Variants in METTL15 observed in about 807,000 individuals in gnomAD.
The protein encoded by METTL15 is methyltransferase 15, mitochondrial 12S rRNA N4-cytidine, also known as 12S rRNA N(4)-cytidine methyltransferase METTL15.
A neutral mutation model predicts 38.3 loss-of-function variants in METTL15; 34 were observed. The observed-to-expected ratio is 0.89, with a 90% CI of 0.68 to 1.18. The LOEUF is 1.18. Ranked by LOEUF, METTL15 falls within the 50% of genes most tolerant of loss-of-function variation. The pLI, the probability that METTL15 is intolerant of heterozygous loss-of-function variation, is 0.00. For synonymous variants in METTL15, 162 were observed against 170.9 expected (o/e 0.95, Z 0.41); for missense variants, 438 against 498.4 (o/e 0.88, Z 1.15).
intron 6 of METTL15, among the ~76,000 whole-genome samples, chr11:28,501,992 T>C (rs539300967): frequency 6.6e-6 from 1 of 151,554 alleles, no homozygotes; most frequent in East Asian, 2.0e-4. Flanking sequence ...TCCCAGCTAC[T>C]CGGGAGGCTG....
At chr11:28,161,673 G>C (rs1850470075) in intron 3 of METTL15, among the ~76,000 whole-genome samples, 1 of 152,032 alleles carries the variant, frequency 6.6e-6, no homozygotes, top group Non-Finnish European at 1.5e-5. Flanking sequence ...TTGTCGTAAA[G>C]GGTGATATAA....
At chr11:28,237,422 G>A (rs563465324) in intron 4 of METTL15, among the ~76,000 whole-genome samples, 16 of 151,934 alleles carry the variant, frequency 1.1e-4, no homozygotes, top group Middle Eastern at 3.4e-3. Flanking sequence ...CATTCTTCAC[G>A]TAGTTCTCGA....
intron 5 of METTL15, among the ~76,000 whole-genome samples, chr11:28,405,082 C>T (rs1042963107): frequency 5.3e-5 from 8 of 152,052 alleles, no homozygotes; most frequent in South Asian, 2.1e-4. Context: ...ACAGCTGCAG[C>T]GTGCCAACAA....
At chr11:28,235,444 A>G (rs1448899681) in intron 4 of METTL15, among the ~76,000 whole-genome samples, 2 of 151,734 alleles carry the variant, frequency 1.3e-5, no homozygotes, top group Non-Finnish European at 2.9e-5. Context: ...ATGAGCATGG[A>G]ATGCTCTTCC....
intron 4 of METTL15, among the ~76,000 whole-genome samples, chr11:28,282,545 G>C (rs929232870): frequency 1.3e-5 from 2 of 152,082 alleles, no homozygotes; most frequent in Non-Finnish European, 2.9e-5. Context: ...TTTCCATCAA[G>C]AGGTGAAGTC....
At chr11:28,521,001 A>G (rs909622064) in intron 6 of METTL15, among the ~76,000 whole-genome samples, 4 of 152,122 alleles carry the variant, frequency 2.6e-5, no homozygotes, top group African/African-American at 7.2e-5. Flanking sequence ...CTGGTTTACA[A>G]AACTATCAAA....
At chr11:28,476,609 C>G (rs1851348694) in intron 6 of METTL15, among the ~76,000 whole-genome samples, 1 of 152,148 alleles carries the variant, frequency 6.6e-6, no homozygotes, top group Non-Finnish European at 1.5e-5. Context: ...AATATGTCCT[C>G]GTTCTTTCCT....
At chr11:28,368,319 A>G (rs12788184) in intron 5 of METTL15, among the ~76,000 whole-genome samples, 71,737 of 151,700 alleles carry the variant, frequency 0.47, 17,339 homozygotes, top group East Asian at 0.74. Flanking sequence ...AAAACAAACA[A>G]CCCCATCAAA....
chr11:28,222,375 G>T (rs1313885119), intron 4 of METTL15, among the ~76,000 whole-genome samples: 1 of 152,200 alleles, frequency 6.6e-6, no homozygotes, highest in African/African-American at 2.4e-5. Flanking sequence ...TAATCTCCTG[G>T]TGTGCTGTTT....
At chr11:28,413,755 A>G (rs1013310585) in intron 5 of METTL15, among the ~76,000 whole-genome samples, 1 of 152,230 alleles carries the variant, frequency 6.6e-6, no homozygotes, top group Non-Finnish European at 1.5e-5. Context: ...AAAATAGGCT[A>G]GTGACTATCA....
At chr11:28,507,787 C>T (rs778771658) in intron 6 of METTL15, among the ~76,000 whole-genome samples, 1 of 152,116 alleles carries the variant, frequency 6.6e-6, no homozygotes, top group Non-Finnish European at 1.5e-5. Context: ...CTTCTTGTCC[C>T]GCAAACTGCT....
chr11:28,209,702 G>A (rs1200614553), intron 3 of METTL15, among the ~76,000 whole-genome samples: 4 of 152,004 alleles, frequency 2.6e-5, no homozygotes, highest in Admixed American at 6.6e-5. Flanking sequence ...CTTGATCAGC[G>A]GATGGGACTT....
chr11:28,271,287 G>A (rs1340005980), intron 4 of METTL15, among the ~76,000 whole-genome samples: 4 of 152,040 alleles, frequency 2.6e-5, no homozygotes, highest in Admixed American at 6.6e-5. Flanking sequence ...AAATCTGAAT[G>A]AATTCATTTA....
At chr11:28,163,555 G>C (rs992283484) in intron 3 of METTL15, 82 of 368,386 alleles carry the variant, frequency 2.2e-4, no homozygotes, top group African/African-American at 9.6e-4. Flanking sequence ...CTCTCTCTGT[G>C]TGTGTGTGTG....
At chr11:28,137,220 A>G (rs1849544352) in intron 3 of METTL15, among the ~76,000 whole-genome samples, 1 of 152,196 alleles carries the variant, frequency 6.6e-6, no homozygotes, top group African/African-American at 2.4e-5. Flanking sequence ...TTTGAAGTTA[A>G]TCAATATGTT....
intron 6 of METTL15, among the ~76,000 whole-genome samples, chr11:28,426,593 T>G (rs10835330): frequency 3.7e-3 from 206 of 56,032 alleles, no homozygotes; most frequent in Admixed American, 4.7e-3. Flanking sequence ...TGTTTTTTTT[T>G]TTTTTTTTTT....
At chr11:28,197,733 C>T (rs1272105466) in intron 3 of METTL15, among the ~76,000 whole-genome samples, 1 of 152,012 alleles carries the variant, frequency 6.6e-6, no homozygotes, top group Non-Finnish European at 1.5e-5. Flanking sequence ...CACATGCACA[C>T]ATAGACACTC....
At chr11:28,185,283 C>T (rs1047848102) in intron 3 of METTL15, among the ~76,000 whole-genome samples, 2 of 151,342 alleles carry the variant, frequency 1.3e-5, no homozygotes, top group African/African-American at 2.4e-5. Context: ...AGAAAGGCAG[C>T]TAGAGTACAG....
At chr11:28,150,599 C>T (rs1051848554) in intron 3 of METTL15, among the ~76,000 whole-genome samples, 3 of 151,410 alleles carry the variant, frequency 2.0e-5, no homozygotes, top group South Asian at 2.1e-4. Flanking sequence ...AATGAAAAAT[C>T]CCTCTCCTTT....
Sources: gnomAD v4.1 joint callset for allele counts (sites outside exome capture counted in the v4.1 genomes callset) on GRCh38, gnomAD v4.1.1 for gene constraint, MANE v1.5 for transcripts, NCBI Gene and HGNC (gene_info 2026-07-23, HGNC 2026-07-21) for gene names.